REV3L: variants seen among roughly 807,000 people sequenced by gnomAD.
REV3L encodes the protein DNA polymerase zeta catalytic subunit.
Under a neutral mutation model 299.4 loss-of-function variants are expected in REV3L, and 69 were observed. The ratio of observed to expected loss-of-function variants is 0.23; its 90% CI spans 0.19 to 0.28. The LOEUF is 0.28. REV3L is among the 10% of genes least tolerant of loss of function. The pLI is 1.00. For missense variants in REV3L, 3,128 were observed against 3,693.8 expected, an observed-to-expected ratio of 0.85 and a Z score of 3.97; for synonymous variants, 1,238 against 1,271.4, an observed-to-expected ratio of 0.97 and a Z score of 0.56.
At chr6:111,463,037 C>G (rs12192837) in intron 1 of REV3L, among the ~76,000 whole-genome samples, 16,370 of 152,156 alleles carry the variant, frequency 0.11, 1,162 homozygotes, top group Middle Eastern at 0.21. Flanking sequence ...AGTAGCTACT[C>G]TAGCTTACAG....
intron 30 of REV3L, 73 bp from the exon 31 acceptor site, chr6:111,307,643 A>C: frequency 7.4e-7 from 1 of 1,353,270 alleles, no homozygotes; most frequent in East Asian, 2.3e-5. Flanking sequence ...TGCTAATTAC[A>C]GGTTTACTCA....
chr6:111,332,145 C>T (rs1775456924), intron 23 of REV3L, among the ~76,000 whole-genome samples: 1 of 152,128 alleles, frequency 6.6e-6, no homozygotes, highest in Non-Finnish European at 1.5e-5. Flanking sequence ...GATCTCGGCT[C>T]ACTGCAAGCT....
At chr6:111,407,251 A>G (rs1309861198) in intron 3 of REV3L, among the ~76,000 whole-genome samples, 2 of 152,242 alleles carry the variant, frequency 1.3e-5, no homozygotes, top group Non-Finnish European at 2.9e-5. Context: ...GAGGCTATTC[A>G]TATACATTTG....
intron 24 of REV3L, among the ~76,000 whole-genome samples, chr6:111,331,349 T>C (rs542470566): frequency 2.0e-4 from 30 of 152,210 alleles, no homozygotes; most frequent in Non-Finnish European, 4.1e-4. Context: ...GTAGGTAATA[T>C]ATTTTGACCA....
chr6:111,347,214 A>G (rs1260222448), intron 20 of REV3L, among the ~76,000 whole-genome samples: 1 of 152,116 alleles, frequency 6.6e-6, no homozygotes, highest in African/African-American at 2.4e-5. Flanking sequence ...GGTTGCGGTG[A>G]GCCGAGACTG....
intron 1 of REV3L, among the ~76,000 whole-genome samples, chr6:111,451,186 G>A (rs973742480): frequency 6.6e-6 from 1 of 152,122 alleles, no homozygotes; most frequent in Admixed American, 6.6e-5. Flanking sequence ...TACAAGGGAG[G>A]AAAGCCAGAG....
intron 9 of REV3L, among the ~76,000 whole-genome samples, 176 bp downstream of exon 9, chr6:111,387,589 G>A (rs543288375): frequency 6.6e-6 from 1 of 152,210 alleles, no homozygotes; most frequent in Non-Finnish European, 1.5e-5. Context: ...CTAACTTCAG[G>A]ATACTGCTTA....
intron 16 of REV3L, among the ~76,000 whole-genome samples, chr6:111,362,247 TGAGG>T (rs1371599647): frequency 6.6e-6 from 1 of 152,036 alleles, no homozygotes; most frequent in African/African-American, 2.4e-5. Context: ...AATGAATAAA[TGAGG>T]GAGAGACTAT....
chr6:111,481,987 G>A (rs1793743740), intron 1 of REV3L, among the ~76,000 whole-genome samples: 2 of 152,336 alleles, frequency 1.3e-5, no homozygotes, highest in Non-Finnish European at 2.9e-5. Context: ...GAGTCTGGCT[G>A]TGGTTCCTAA....
intron 16 of REV3L, among the ~76,000 whole-genome samples, chr6:111,361,837 T>G (rs1172388460): frequency 6.6e-6 from 1 of 152,178 alleles, no homozygotes; most frequent in African/African-American, 2.4e-5. Flanking sequence ...GTTTATTCCC[T>G]GTTTCAACCA....
At chr6:111,331,125 C>G in intron 24 of REV3L, 1 of 532,130 alleles carries the variant, frequency 1.9e-6, no homozygotes, top group Non-Finnish European at 2.4e-6. Flanking sequence ...TTTAAGATGT[C>G]TCTTATTTGT....
intron 1 of REV3L, among the ~76,000 whole-genome samples, chr6:111,423,349 A>G (rs2128292429): frequency 6.6e-6 from 1 of 152,338 alleles, no homozygotes; most frequent in East Asian, 1.9e-4. Context: ...TATCTGAACT[A>G]TGAATCAGAT....
At chr6:111,406,509 G>A (rs1582870680) in intron 3 of REV3L, among the ~76,000 whole-genome samples, 1 of 152,168 alleles carries the variant, frequency 6.6e-6, no homozygotes, top group East Asian at 1.9e-4. Flanking sequence ...GGCTGTTGTG[G>A]AAAAACTAAG....
chr6:111,326,727 G>T (rs561721515), intron 25 of REV3L, among the ~76,000 whole-genome samples: 1 of 151,632 alleles, frequency 6.6e-6, no homozygotes, highest in East Asian at 1.9e-4. Flanking sequence ...ATCAACGAGT[G>T]AATGGATAAA....
At chr6:111,458,802 CAT>C (rs1428336911) in intron 1 of REV3L, among the ~76,000 whole-genome samples, 1 of 151,914 alleles carries the variant, frequency 6.6e-6, no homozygotes, top group Non-Finnish European at 1.5e-5. Context: ...CAAATGAAAA[CAT>C]ATTTCATGCT....
chr6:111,392,145 G>A lies in REV3L; in HGVS notation c.662+731C>T, dbSNP rs868205866. ...GTAAATGTCAAGGATGAATATTCCC[G>A]AAGTAGCACATTTGAGAGAAAGGAG... On this transcript the variant is annotated intron_variant, in intron 5 of 31. Coordinates refer to ENST00000368802, the MANE Select transcript of REV3L (RefSeq NM_001372078.1). Among the ~76,000 whole-genome samples the A allele has an allele frequency of 6.6e-5, 10 of 152,210 alleles. 1 individual carries two copies. In the Middle Eastern group the frequency reaches 0.02, roughly 311 times the overall value.
intron 16 of REV3L, among the ~76,000 whole-genome samples, chr6:111,362,549 A>G (rs1778802976): frequency 6.6e-6 from 1 of 152,224 alleles, no homozygotes; most frequent in African/African-American, 2.4e-5. Flanking sequence ...TAGTAGTCAC[A>G]TTTAAAAAAA....
chr6:111,405,338 T>A (rs1402482435), intron 4 of REV3L, 132 bp downstream of exon 4: 1 of 621,446 alleles, frequency 1.6e-6, no homozygotes, highest in Non-Finnish European at 2.4e-6. Flanking sequence ...TTTGCATGTA[T>A]TTCTTTTCAT....
intron 1 of REV3L, among the ~76,000 whole-genome samples, chr6:111,477,726 T>C (rs1793108033): frequency 6.6e-6 from 1 of 152,206 alleles, no homozygotes; most frequent in African/African-American, 2.4e-5. Flanking sequence ...GTCCATATCC[T>C]GAATGCAATG....
Sources: allele counts gnomAD v4.1 joint callset (sites outside exome capture counted in the v4.1 genomes callset), GRCh38; gene constraint gnomAD v4.1.1; transcripts MANE v1.5; gene names NCBI Gene and HGNC (gene_info 2026-07-23, HGNC 2026-07-21).